The following PTPRN2 variants were observed in gnomAD, a reference collection of about 807,000 sequenced individuals.
PTPRN2 encodes the protein receptor-type tyrosine-protein phosphatase N2.
PTPRN2 carries 74 observed loss-of-function variants against 118.8 expected under a neutral mutation model. The ratio of observed to expected loss-of-function variants is 0.62; its 90% CI spans 0.52 to 0.76. The LOEUF (loss-of-function observed/expected upper bound fraction) is 0.76. Among genes scored for constraint, PTPRN2 ranks in the 30% least tolerant of loss-of-function variants. The pLI, the probability that PTPRN2 is intolerant of heterozygous loss-of-function variation, is 0.00. For synonymous variants in PTPRN2, 641 were observed against 608.0 expected, an observed-to-expected ratio of 1.05 and a Z score of -0.80; for missense variants, 1,481 against 1,394.4, an observed-to-expected ratio of 1.06 and a Z score of -0.99.
In PTPRN2 at chr7:157,740,612, C is replaced by G. The variant is rs145926631; in HGVS notation, c.1789-57675G>C. 2.0e-3 allele frequency among the ~76,000 whole-genome samples: 302 copies of G among 152,326 alleles called. 1 individual carries two copies. The highest frequency in any genetic ancestry group is 3.4e-3 in the Non-Finnish European group (231 of 68,014). On this transcript the variant is annotated intron_variant, in intron 12 of 22. Coordinates refer to ENST00000389418, the MANE Select transcript of PTPRN2 (RefSeq NM_002847.5). ...AGGGCAGGGGAAACACACAGAGCAACTGAAATATTGTCGTCTTTCCCCAGA... is the reference window on the plus strand; with the variant it reads ...AGGGCAGGGGAAACACACAGAGCAAGTGAAATATTGTCGTCTTTCCCCAGA...
At chr7:157,747,173 G>C (rs1242585838) in intron 12 of PTPRN2, among the ~76,000 whole-genome samples, 2 of 135,192 alleles carry the variant, frequency 1.5e-5, no homozygotes, top group East Asian at 4.8e-4. Flanking sequence ...CTGCGTCCCT[G>C]AGCTGTGGGG....
rs546298570 is a variant in PTPRN2, at chr7:158,522,872, G to A, written c.113-33087C>T. 2.1e-3 allele frequency among the ~76,000 whole-genome samples: 327 copies of A among 152,320 alleles called. 2 individuals carry two copies. The highest frequency in any genetic ancestry group is 7.6e-3 in the African/African-American group (317 of 41,578). On this transcript the variant is annotated intron_variant, in intron 1 of 22. Transcript: ENST00000389418. Reference sequence around the variant, plus strand: ...TTCCACACACTTGCTTCTGTGTGTGGCAGATGTGGAGCTGGAGAGAACAGA... The same window carrying A: ...TTCCACACACTTGCTTCTGTGTGTGACAGATGTGGAGCTGGAGAGAACAGA...
intron 12 of PTPRN2, among the ~76,000 whole-genome samples, chr7:157,848,902 C>A (rs2151200698): frequency 6.6e-6 from 1 of 152,386 alleles, no homozygotes; most frequent in Non-Finnish European, 1.5e-5. Flanking sequence ...CCCTGGACCA[C>A]TCACTTGGCC....
At chr7:158,552,356 C>A (rs1826715598) in intron 1 of PTPRN2, among the ~76,000 whole-genome samples, 1 of 152,120 alleles carries the variant, frequency 6.6e-6, no homozygotes, top group Non-Finnish European at 1.5e-5. Flanking sequence ...GGGGCCCCAG[C>A]TCCTAAGTCA....
intron 9 of PTPRN2, among the ~76,000 whole-genome samples, chr7:158,122,564 TAA>T (rs1817261110): frequency 6.6e-6 from 1 of 152,098 alleles, no homozygotes. Context: ...GTCGGAAATA[TAA>T]AGAGTAGTAA....
chr7:157,872,484 C>A lies in PTPRN2; in HGVS notation c.1788+26189G>T, dbSNP rs570203010. Among the ~76,000 whole-genome samples the A allele has an allele frequency of 3.1e-3, 467 of 151,242 alleles. 9 individuals are homozygous for A. The highest frequency in any genetic ancestry group is 0.011 in the African/African-American group (442 of 40,720). ...ATATCCAGTGTCCTCCCCACACACG[C>A]ATATCCAGTGTCCTCCCCACACACG... On this transcript the variant is annotated intron_variant, in intron 12 of 22. Transcript: ENST00000389418.
intron 21 of PTPRN2, among the ~76,000 whole-genome samples, chr7:157,552,496 G>C (rs1478879095): frequency 6.6e-6 from 1 of 152,072 alleles, no homozygotes; most frequent in Non-Finnish European, 1.5e-5. Context: ...ACGTGGGGAG[G>C]GGATGGGCCG....
chr7:157,816,736 C>T (rs1806425440), intron 12 of PTPRN2, among the ~76,000 whole-genome samples: 2 of 152,160 alleles, frequency 1.3e-5, no homozygotes, highest in South Asian at 4.1e-4. Context: ...GTGCGAGACT[C>T]TGCCCTCTAC....
At chr7:158,355,074 T>C (rs754958411) in intron 2 of PTPRN2, among the ~76,000 whole-genome samples, 6 of 150,970 alleles carry the variant, frequency 4.0e-5, no homozygotes, top group Non-Finnish European at 7.4e-5. Flanking sequence ...CCAGCAAAGC[T>C]ACCCTTCAAA....
chr7:157,931,108 C>T (rs1377286513), intron 11 of PTPRN2, among the ~76,000 whole-genome samples: 1 of 152,160 alleles, frequency 6.6e-6, no homozygotes, highest in African/African-American at 2.4e-5. Context: ...GGCTCCAGCA[C>T]TGCAGCATGA....
chr7:158,384,733 T>C (rs1014363811), intron 2 of PTPRN2, among the ~76,000 whole-genome samples: 2 of 152,190 alleles, frequency 1.3e-5, no homozygotes, highest in East Asian at 3.9e-4. Flanking sequence ...ATAAAAAATT[T>C]CATTTACTAA....
chr7:158,166,265 CGCGTTCCCTGTCCTCACACCCT>C (rs1822969735), intron 6 of PTPRN2, among the ~76,000 whole-genome samples: 1 of 109,712 alleles, frequency 9.1e-6, no homozygotes, highest in Non-Finnish European at 1.9e-5. Context: ...CCCTGGCTGC[CGCGTTCCCTGTCCTCACACCCT>C]CAGGATCATC....
At chr7:158,017,306 G>A (rs1434418827) in intron 11 of PTPRN2, among the ~76,000 whole-genome samples, 2 of 152,164 alleles carry the variant, frequency 1.3e-5, no homozygotes, top group Non-Finnish European at 2.9e-5. Flanking sequence ...GGAATCACTA[G>A]AGAGAGGCTT....
At chr7:158,082,696 C>T (rs1812929749) in intron 10 of PTPRN2, among the ~76,000 whole-genome samples, 1 of 152,218 alleles carries the variant, frequency 6.6e-6, no homozygotes, top group East Asian at 1.9e-4. Context: ...CAGCTAGTCA[C>T]CAAATTCTGC....
intron 14 of PTPRN2, among the ~76,000 whole-genome samples, chr7:157,638,198 C>G (rs1041915234): frequency 6.6e-6 from 1 of 152,236 alleles, no homozygotes; most frequent in Non-Finnish European, 1.5e-5. Flanking sequence ...ACCAACCAAA[C>G]GTGATCACAA....
intron 2 of PTPRN2, among the ~76,000 whole-genome samples, chr7:158,484,644 G>A (rs1347482105): frequency 1.3e-5 from 2 of 152,188 alleles, no homozygotes; most frequent in East Asian, 1.9e-4. Context: ...ATTACAGGGT[G>A]AGCCTCCGCC....
chr7:158,167,358 GC>G, intron 5 of PTPRN2, 67 bp from the exon 6 acceptor site: 1 of 1,519,576 alleles, frequency 6.6e-7, no homozygotes, highest in Non-Finnish European at 8.8e-7. Flanking sequence ...GCACCAAGAT[GC>G]CCTTCAGTCT....
intron 2 of PTPRN2, 58 bp downstream of exon 2, chr7:158,489,670 GGCGCTGC>G: frequency 1.3e-6 from 2 of 1,490,170 alleles, no homozygotes; most frequent in Non-Finnish European, 1.8e-6. Context: ...CACCAGGCTG[GGCGCTGC>G]GCACGGCGGG....
rs138586125 is a variant in PTPRN2, at chr7:158,374,320, C to T, written c.164-57388G>A. On this transcript the variant is annotated intron_variant, in intron 2 of 22. Transcript: ENST00000389418. ...AAATGGAACTCTCCACAAACACCAACTCAAAAGGCCAATGCTGCAGGCCAA... is the reference window on the plus strand; with the variant it reads ...AAATGGAACTCTCCACAAACACCAATTCAAAAGGCCAATGCTGCAGGCCAA... Among the ~76,000 whole-genome samples, 464 of 152,222 alleles carry T rather than the reference C, an allele frequency of 3.0e-3. 4 individuals are homozygous for T. The highest frequency in any genetic ancestry group is 0.01 in the African/African-American group (418 of 41,530).
Sources: allele counts gnomAD v4.1 joint callset (sites outside exome capture counted in the v4.1 genomes callset), GRCh38; gene constraint gnomAD v4.1.1; transcripts MANE v1.5; gene names NCBI Gene and HGNC (gene_info 2026-07-23, HGNC 2026-07-21).